The following LIPA variants were observed in gnomAD, a reference collection of about 807,000 sequenced individuals.
The protein encoded by LIPA is lysosomal acid lipase/cholesteryl ester hydrolase.
LIPA carries 26 observed loss-of-function variants against 40.6 expected under a neutral mutation model. The observed-to-expected ratio is 0.64, with a 90% CI of 0.47 to 0.89. The LOEUF (loss-of-function observed/expected upper bound fraction) is 0.89, where lower values mean the gene tolerates loss of function less well. Ranked by LOEUF, LIPA falls within the 40% of genes least tolerant of loss-of-function variation. LIPA has a pLI of 0.00. For missense variants in LIPA, 455 were observed against 479.6 expected (o/e 0.95, Z 0.48); for synonymous variants, 188 against 168.4 (o/e 1.12, Z -0.90).
At chr10:89,306,104 A>C in intron 1 of LIPA, 1 of 1,614,168 alleles carries the variant, frequency 6.2e-7, no homozygotes, top group Non-Finnish European at 8.5e-7. Context: ...TCGTGAATTC[A>C]AAGCCACAAT....
chr10:89,379,585 A>T (rs1844145940), intron 2 of LIPA, among the ~76,000 whole-genome samples: 2 of 152,208 alleles, frequency 1.3e-5, no homozygotes, highest in African/African-American at 4.8e-5. Flanking sequence ...TGGGAGAGGA[A>T]GAACTTTACA....
intron 2 of LIPA, among the ~76,000 whole-genome samples, chr10:89,407,002 A>G (rs1841421150): frequency 1.3e-5 from 2 of 152,166 alleles, no homozygotes; most frequent in Admixed American, 1.3e-4. Context: ...CCGCCAGACT[A>G]AAGACACGGG....
At chr10:89,385,789 A>C (rs1844207114) in intron 2 of LIPA, among the ~76,000 whole-genome samples, 1 of 152,218 alleles carries the variant, frequency 6.6e-6, no homozygotes, top group Non-Finnish European at 1.5e-5. Flanking sequence ...ACGTGACCCA[A>C]ACACACTGCT....
intron 2 of LIPA, among the ~76,000 whole-genome samples, chr10:89,348,329 CAG>C (rs141351926): frequency 0.069 from 10,509 of 152,204 alleles, 903 homozygotes; most frequent in African/African-American, 0.2. Flanking sequence ...GCGACAAAGT[CAG>C]AGAGTCCTAT....
chr10:89,384,259 G>A (rs779271234), intron 2 of LIPA: 1 of 1,614,206 alleles, frequency 6.2e-7, no homozygotes, highest in South Asian at 1.1e-5. Context: ...GCAAGATAGG[G>A]AAACTGTGGA....
chr10:89,385,732 A>C (rs1050359348), intron 2 of LIPA, among the ~76,000 whole-genome samples: 16 of 152,208 alleles, frequency 1.1e-4, no homozygotes, highest in Admixed American at 6.5e-5. Flanking sequence ...TAATAAATTC[A>C]AATTTTTGTT....
chr10:89,371,606 T>C (rs1844091794), intron 2 of LIPA, among the ~76,000 whole-genome samples: 1 of 152,176 alleles, frequency 6.6e-6, no homozygotes. Context: ...CAACTGGTGT[T>C]CTCAGAATGC....
chr10:89,254,670 C>A (rs1365808930), upstream of LIPA, among the ~76,000 whole-genome samples: 1 of 152,172 alleles, frequency 6.6e-6, no homozygotes, highest in Non-Finnish European at 1.5e-5. Flanking sequence ...ATGGGTTTTT[C>A]TTTTCTATCG....
At chr10:89,255,279 G>A (rs1843175094), upstream of LIPA, among the ~76,000 whole-genome samples, 1 of 152,202 alleles carries the variant, frequency 6.6e-6, no homozygotes, top group African/African-American at 2.4e-5. Context: ...ATGGCAGAAG[G>A]CAAAAGGCAC....
intron 1 of LIPA, chr10:89,292,047 G>A (rs1043648692): frequency 1.3e-5 from 2 of 152,226 alleles, no homozygotes; most frequent in African/African-American, 4.8e-5. Flanking sequence ...TCATTGCATG[G>A]AAGAGAACTG....
intron 1 of LIPA, chr10:89,307,425 T>C (rs972603547): frequency 7.0e-7 from 1 of 1,428,040 alleles, no homozygotes; most frequent in Admixed American, 2.1e-5. Context: ...GGAGCTGAAA[T>C]TCCTCCACCA....
At chr10:89,275,848 T>C (rs1843286777) in intron 1 of LIPA, among the ~76,000 whole-genome samples, 1 of 152,208 alleles carries the variant, frequency 6.6e-6, no homozygotes, top group Non-Finnish European at 1.5e-5. Flanking sequence ...GGCTATCAGG[T>C]GACTTGATGA....
chr10:89,222,964 C>T (rs1203398834), intron 7 of LIPA, among the ~76,000 whole-genome samples: 1 of 152,052 alleles, frequency 6.6e-6, no homozygotes, highest in Non-Finnish European at 1.5e-5. Flanking sequence ...AGGATTTTAA[C>T]CCTTTTTTTC....
At chr10:89,227,728 T>C (rs558941091) in intron 4 of LIPA, among the ~76,000 whole-genome samples, 6 of 152,134 alleles carry the variant, frequency 3.9e-5, no homozygotes, top group Non-Finnish European at 8.8e-5. Flanking sequence ...CCAGTGACCT[T>C]ATGAGGTAGG....
At position 89,306,071 on chromosome 10, in the gene LIPA, T is replaced by C. The variant is rs1483301996; in HGVS notation, c.-2+36540A>G. 3.1e-6 allele frequency: 5 copies of C among 1,614,142 alleles called. No individual in the cohort carries two copies. The highest frequency in any genetic ancestry group is 4.2e-6 in the Non-Finnish European group (5 of 1,179,996). On this transcript the variant is annotated intron_variant, in intron 1 of 5. Coordinates refer to the LIPA transcript ENST00000282673. The stretch of plus-strand genomic sequence containing the variant: ...CTTGGATGATTTTGAAGACAAAGTA[T>C]TTTACCGGACTGAGTTTCAGAATCG...
chr10:89,382,058 C>T (rs1844167817), intron 2 of LIPA, among the ~76,000 whole-genome samples: 1 of 152,134 alleles, frequency 6.6e-6, no homozygotes, highest in African/African-American at 2.4e-5. Context: ...GTGTGAGCCA[C>T]CACACCTGGC....
At chr10:89,403,080 A>G in intron 2 of LIPA, 1 of 1,614,236 alleles carries the variant, frequency 6.2e-7, no homozygotes, top group East Asian at 2.2e-5. Context: ...CTCTGTGGAT[A>G]AAGCTCTTGA....
intron 9 of LIPA, 66 bp downstream of exon 9, chr10:89,215,872 T>C (rs1589548874): frequency 8.9e-6 from 9 of 1,013,062 alleles, no homozygotes; most frequent in South Asian, 3.8e-5. Flanking sequence ...AGAATCCTGA[T>C]AGGCCAGGCT....
rs149469452 is a variant in LIPA at position 89,385,363 on chromosome 10, C to T, written c.61+27428G>A. On this transcript the variant is annotated intron_variant, in intron 2 of 8. Coordinates refer to the LIPA transcript ENST00000371837. ...TTTTCCTCTTCAATCCATGTGTCTG[C>T]GGCAGGAGCATCTATTCTTCCACAA... Among the ~76,000 whole-genome samples the T allele has an allele frequency of 2.6e-4, 40 of 152,242 alleles. No homozygotes were observed. The East Asian group carries it at 6.0e-3, about 23-fold the overall frequency.
Sources: gnomAD v4.1 joint callset for allele counts (sites outside exome capture counted in the v4.1 genomes callset) on GRCh38, gnomAD v4.1.1 for gene constraint, MANE v1.5 for transcripts, NCBI Gene and HGNC (gene_info 2026-07-23, HGNC 2026-07-21) for gene names.